The following IQSEC1 variants were observed in gnomAD, a reference collection of about 807,000 sequenced individuals.
IQSEC1 encodes IQ motif and Sec7 domain ArfGEF 1.
Under a neutral mutation model 91.0 loss-of-function variants are expected in IQSEC1, and 31 were observed. The ratio of observed to expected loss-of-function variants is 0.34; its 90% CI spans 0.26 to 0.46. IQSEC1 has a LOEUF of 0.46. Among genes scored for constraint, IQSEC1 ranks in the 20% least tolerant of loss-of-function variants. The pLI, the probability that IQSEC1 is intolerant of heterozygous loss-of-function variation, is 1.00. For missense variants in IQSEC1, 1,388 were observed against 1,575.6 expected, an observed-to-expected ratio of 0.88 and a Z score of 2.02; for synonymous variants, 699 against 662.6, an observed-to-expected ratio of 1.05 and a Z score of -0.84.
At chr3:13,085,722 C>T (rs983831404) in intron 2 of IQSEC1, among the ~76,000 whole-genome samples, 2 of 152,234 alleles carry the variant, frequency 1.3e-5, no homozygotes, top group Non-Finnish European at 2.9e-5. Flanking sequence ...GTGCTGTTAC[C>T]CCATTTCACA....
At chr3:13,130,362 AG>A (rs760316540) in intron 2 of IQSEC1, among the ~76,000 whole-genome samples, 1 of 149,656 alleles carries the variant, frequency 6.7e-6, no homozygotes, top group South Asian at 2.1e-4. Flanking sequence ...AAAAAAAAAA[AG>A]AAAGAAAGAA....
At chr3:13,002,494 C>A (rs1702460049) in intron 1 of IQSEC1, among the ~76,000 whole-genome samples, 1 of 150,176 alleles carries the variant, frequency 6.7e-6, no homozygotes, top group Non-Finnish European at 1.5e-5. Context: ...CTGTAGGGAG[C>A]CATGATCATG....
At chr3:13,012,248 T>G in intron 1 of IQSEC1, among the ~76,000 whole-genome samples, 1 of 152,158 alleles carries the variant, frequency 6.6e-6, no homozygotes, top group Non-Finnish European at 1.5e-5. Context: ...CCAGGTCAGC[T>G]CCACTGTGTA....
In IQSEC1 at chr3:13,218,161, T is replaced by C. The variant is rs530220717; in HGVS notation, c.273-54028A>G. ...GCTGTGTCGGGGGTGGGAGCAGGAGTGACCTAGCACCTCCTGTGTGCTGAC... is the reference window on the plus strand; with the variant it reads ...GCTGTGTCGGGGGTGGGAGCAGGAGCGACCTAGCACCTCCTGTGTGCTGAC... On this transcript the variant is annotated intron_variant, in intron 1 of 15. Coordinates refer to the IQSEC1 transcript ENST00000648114. 6.6e-5 allele frequency among the ~76,000 whole-genome samples: 10 copies of C among 151,930 alleles called. No individual in the cohort carries two copies. The South Asian group carries it at 1.7e-3, about 25-fold the overall frequency.
At chr3:13,177,658 C>T (rs1204000924) in intron 1 of IQSEC1, among the ~76,000 whole-genome samples, 2 of 152,236 alleles carry the variant, frequency 1.3e-5, no homozygotes, top group Non-Finnish European at 2.9e-5. Context: ...AACTCCACTG[C>T]TGTGCTGATG....
intron 1 of IQSEC1, among the ~76,000 whole-genome samples, chr3:13,230,103 G>T (rs533957948): frequency 6.6e-6 from 1 of 152,186 alleles, no homozygotes; most frequent in Non-Finnish European, 1.5e-5. Context: ...AAACACTTTT[G>T]TAAGTGATGA....
chr3:13,172,620 T>C (rs1693639348), intron 1 of IQSEC1, among the ~76,000 whole-genome samples: 1 of 152,182 alleles, frequency 6.6e-6, no homozygotes, highest in Non-Finnish European at 1.5e-5. Flanking sequence ...GCCTGGCATG[T>C]CCTGACTTCT....
At chr3:13,100,681 G>A (rs1706040686) in intron 2 of IQSEC1, among the ~76,000 whole-genome samples, 1 of 148,876 alleles carries the variant, frequency 6.7e-6, no homozygotes, top group South Asian at 2.1e-4. Flanking sequence ...TCTGGGCCAC[G>A]TCAGGTGGCG....
At chr3:13,108,610 C>T (rs2124854145) in intron 2 of IQSEC1, among the ~76,000 whole-genome samples, 1 of 152,244 alleles carries the variant, frequency 6.6e-6, no homozygotes, top group Middle Eastern at 3.4e-3. Flanking sequence ...GTGGGCAAGT[C>T]AGCCAAGGCC....
At position 12,899,158 on chromosome 3, in the gene IQSEC1, A is replaced by C. The variant is rs1468110947; in HGVS notation, c.*1825T>G. The C allele has an allele frequency of 3.5e-6, 2 of 572,958 alleles. No individual in the cohort carries two copies. Among genetic ancestry groups the C allele is most frequent in the Non-Finnish European group, 3.1e-6 (1 of 318,666 alleles). The allele number at this position is 572,958 out of a possible 1,614,324, so 35.5% of individuals were successfully genotyped here. ...TACGGTGATCTCAATGATATGACCG[A>C]GGGTGGGAGGGATGTGAGGAGGGAA... On this transcript the variant is annotated 3_prime_UTR_variant, in exon 14 of 14. Transcript: ENST00000613206.
At chr3:12,969,870 CTTGTT>C (rs1283288275) in intron 1 of IQSEC1, among the ~76,000 whole-genome samples, 1 of 152,194 alleles carries the variant, frequency 6.6e-6, no homozygotes, top group Non-Finnish European at 1.5e-5. Context: ...TCTTGATTCT[CTTGTT>C]TTATCTTTCT....
rs1275403743 is a variant in IQSEC1, at chr3:12,915,580, G to C, written c.2160+14C>G. On this transcript the variant is annotated intron_variant, in intron 7 of 13. Coordinates refer to ENST00000613206, the MANE Select transcript of IQSEC1 (RefSeq NM_001134382.3). ...GGTGCTGGGGCCCACCACGTACCAGGGCCCATCACATACCGGCTTTTTCCC... is the reference window on the plus strand; with the variant it reads ...GGTGCTGGGGCCCACCACGTACCAGCGCCCATCACATACCGGCTTTTTCCC... The C allele has an allele frequency of 1.9e-6, 3 of 1,613,336 alleles. No individual in the cohort carries two copies. The Admixed American group carries it at 5.0e-5, about 27-fold the overall frequency.
chr3:13,165,622 C>CA (rs1272370979), intron 1 of IQSEC1, among the ~76,000 whole-genome samples: 1 of 148,536 alleles, frequency 6.7e-6, no homozygotes, highest in Non-Finnish European at 1.5e-5. Context: ...GTTGCTCACC[C>CA]TGGGGAAGCC....
At chr3:12,918,949 C>T (rs1696358098) in intron 6 of IQSEC1, among the ~76,000 whole-genome samples, 1 of 152,222 alleles carries the variant, frequency 6.6e-6, no homozygotes. Context: ...CTCAAACTCC[C>T]CCTGGGCTGC....
intron 1 of IQSEC1, among the ~76,000 whole-genome samples, chr3:13,263,801 C>G (rs1695436944): frequency 6.6e-6 from 1 of 152,124 alleles, no homozygotes; most frequent in Admixed American, 6.5e-5. Flanking sequence ...CCAGCCTCCC[C>G]CTTGCCCTAA....
At chr3:13,274,047 G>C (rs1306032730) in intron 1 of IQSEC1, among the ~76,000 whole-genome samples, 1 of 152,186 alleles carries the variant, frequency 6.6e-6, no homozygotes. Flanking sequence ...CATGCCGAGG[G>C]GGAGAAAGTA....
chr3:13,268,375 G>C (rs1352809273), intron 1 of IQSEC1, among the ~76,000 whole-genome samples: 1 of 152,198 alleles, frequency 6.6e-6, no homozygotes, highest in Non-Finnish European at 1.5e-5. Context: ...CACACAACAG[G>C]TGCTTAATAC....
At chr3:12,977,536 T>A (rs1452031726) in intron 1 of IQSEC1, among the ~76,000 whole-genome samples, 1 of 152,142 alleles carries the variant, frequency 6.6e-6, no homozygotes, top group Non-Finnish European at 1.5e-5. Flanking sequence ...CTTCAGAACA[T>A]CTCACCTGGA....
At chr3:13,124,418 A>G (rs532068373) in intron 2 of IQSEC1, among the ~76,000 whole-genome samples, 4 of 152,280 alleles carry the variant, frequency 2.6e-5, no homozygotes, top group East Asian at 3.9e-4. Context: ...TCTAAGGAAG[A>G]TCACATCCAG....
Sources: gnomAD v4.1 joint callset for allele counts (sites outside exome capture counted in the v4.1 genomes callset) on GRCh38, gnomAD v4.1.1 for gene constraint, MANE v1.5 for transcripts, NCBI Gene and HGNC (gene_info 2026-07-23, HGNC 2026-07-21) for gene names.